SKAP2: variants seen among roughly 807,000 people sequenced by gnomAD.
SKAP2 encodes the protein src kinase associated phosphoprotein 2, also known as src kinase-associated phosphoprotein 2.
In SKAP2, 28 loss-of-function variants were observed where a neutral mutation model predicts 54.9. That is an observed-to-expected ratio of 0.51 (90% CI 0.38 to 0.70). SKAP2 has a LOEUF of 0.70. SKAP2 is among the 30% of genes least tolerant of loss of function. SKAP2 has a pLI of 0.00. For synonymous variants in SKAP2, 137 were observed against 134.3 expected (o/e 1.02, Z -0.14); for missense variants, 356 against 424.1 (o/e 0.84, Z 1.41).
chr7:26,718,874 AG>A (rs1003391540), intron 9 of SKAP2, among the ~76,000 whole-genome samples: 6 of 152,144 alleles, frequency 3.9e-5, no homozygotes, highest in Non-Finnish European at 7.4e-5. Context: ...TTTGTAAATA[AG>A]GATTTAAAAA....
chr7:26,714,293 T>C (rs893207724), intron 9 of SKAP2, among the ~76,000 whole-genome samples: 4 of 152,118 alleles, frequency 2.6e-5, no homozygotes, highest in African/African-American at 4.8e-5. Context: ...AATGTCCTTA[T>C]TATATATATT....
intron 10 of SKAP2, among the ~76,000 whole-genome samples, chr7:26,687,322 T>G (rs1350188688): frequency 6.6e-6 from 1 of 151,664 alleles, no homozygotes; most frequent in Non-Finnish European, 1.5e-5. Context: ...AGCTAGTGAT[T>G]TGGCAATATG....
chr7:26,688,249 TA>T (rs1424178686), intron 10 of SKAP2, among the ~76,000 whole-genome samples: 1 of 152,130 alleles, frequency 6.6e-6, no homozygotes, highest in African/African-American at 2.4e-5. Flanking sequence ...ATATATTCTA[TA>T]ATGTTCAAAA....
intron 4 of SKAP2, among the ~76,000 whole-genome samples, chr7:26,749,777 ATAATAATAG>A (rs1472221662): frequency 8.3e-4 from 99 of 118,924 alleles, no homozygotes; most frequent in African/African-American, 2.9e-3. Context: ...AATAATAATA[ATAATAATAG>A]GTCCTACTTC....
At position 26,728,580 on chromosome 7, in the gene SKAP2, TTCAC is replaced by T. The variant is rs1252921014; in HGVS notation, c.470-1578_470-1575del. Among the ~76,000 whole-genome samples, 4 of 152,086 alleles carry T rather than the reference TTCAC, an allele frequency of 2.6e-5. No individual in the cohort carries two copies. In the East Asian group the frequency reaches 7.7e-4, roughly 29 times the overall value. ...AAATTCTCAAAAAAAGACTAAATCATTCACTCACTCATTTGACAAATTGATACCA... is the reference window on the plus strand; with the variant it reads ...AAATTCTCAAAAAAAGACTAAATCATTCACTCATTTGACAAATTGATACCA... On this transcript the variant is annotated intron_variant, in intron 6 of 12. Transcript: ENST00000345317.
chr7:26,685,864 A>T (rs1786627547), intron 10 of SKAP2, among the ~76,000 whole-genome samples: 2 of 152,332 alleles, frequency 1.3e-5, no homozygotes, highest in African/African-American at 4.8e-5. Flanking sequence ...TAATATCAAT[A>T]AGATGTCCGT....
chr7:26,837,382 T>C (rs1784736434), intron 4 of SKAP2, among the ~76,000 whole-genome samples: 1 of 152,120 alleles, frequency 6.6e-6, no homozygotes, highest in Non-Finnish European at 1.5e-5. Context: ...CTGAAGGCTG[T>C]ACAGGAAGCA....
At chr7:26,823,334 G>A (rs1312416937) in intron 4 of SKAP2, among the ~76,000 whole-genome samples, 3 of 147,310 alleles carry the variant, frequency 2.0e-5, no homozygotes, top group Non-Finnish European at 3.0e-5. Context: ...GCTGAGGCAC[G>A]AGAATTGCTT....
the SKAP2 span, among the ~76,000 whole-genome samples, chr7:26,659,724 GTATA>G: frequency 2.6e-5 from 4 of 151,944 alleles, no homozygotes; most frequent in African/African-American, 7.2e-5. Flanking sequence ...ATGTGTGTGT[GTATA>G]GTTTTAAATA....
At chr7:26,841,099 G>A (rs2127995081) in intron 4 of SKAP2, among the ~76,000 whole-genome samples, 1 of 152,112 alleles carries the variant, frequency 6.6e-6, no homozygotes, top group East Asian at 1.9e-4. Flanking sequence ...GTATAGAGAA[G>A]CAGCACACCT....
chr7:26,748,110 T>G (rs1782597245), intron 4 of SKAP2, among the ~76,000 whole-genome samples: 1 of 152,168 alleles, frequency 6.6e-6, no homozygotes, highest in Non-Finnish European at 1.5e-5. Context: ...CTGAACTATC[T>G]TATTACATAT....
intron 5 of SKAP2, among the ~76,000 whole-genome samples, chr7:26,739,257 TAAG>T (rs1045710250): frequency 6.6e-6 from 1 of 152,028 alleles, no homozygotes; most frequent in Non-Finnish European, 1.5e-5. Flanking sequence ...AAAATTCAGC[TAAG>T]AAAGCTAAGA....
intron 3 of SKAP2, among the ~76,000 whole-genome samples, chr7:26,845,354 T>C (rs1285623691): frequency 6.6e-6 from 1 of 152,188 alleles, no homozygotes; most frequent in Non-Finnish European, 1.5e-5. Flanking sequence ...TTTTTAAAAA[T>C]ACATATTCCT....
chr7:26,796,629 A>G (rs1783786553), intron 4 of SKAP2, among the ~76,000 whole-genome samples: 1 of 152,228 alleles, frequency 6.6e-6, no homozygotes, highest in South Asian at 2.1e-4. Context: ...CAGATAATCG[A>G]TTGCATAAAT....
At chr7:26,831,374 G>GA (rs1173826068) in intron 4 of SKAP2, among the ~76,000 whole-genome samples, 1 of 152,084 alleles carries the variant, frequency 6.6e-6, no homozygotes, top group Non-Finnish European at 1.5e-5. Context: ...ATACCCTGTT[G>GA]AAAAAATGAT....
chr7:26,782,806 C>T (rs2127978730), intron 4 of SKAP2, among the ~76,000 whole-genome samples: 1 of 152,272 alleles, frequency 6.6e-6, no homozygotes, highest in South Asian at 2.1e-4. Context: ...TGCTCTTCCA[C>T]CATGTGAGGG....
intron 4 of SKAP2, among the ~76,000 whole-genome samples, chr7:26,775,018 G>A (rs931474155): frequency 6.6e-6 from 1 of 152,148 alleles, no homozygotes; most frequent in African/African-American, 2.4e-5. Context: ...GTCTGTCACA[G>A]CCATTGATTA....
chr7:26,826,672 CCTT>C (rs1256324296), intron 4 of SKAP2, among the ~76,000 whole-genome samples: 4 of 152,140 alleles, frequency 2.6e-5, no homozygotes, highest in Non-Finnish European at 4.4e-5. Flanking sequence ...TCTTCTTTCT[CCTT>C]CTATATTTCT....
At chr7:26,826,214 C>G (rs967987270) in intron 4 of SKAP2, among the ~76,000 whole-genome samples, 2 of 152,114 alleles carry the variant, frequency 1.3e-5, no homozygotes, top group African/African-American at 4.8e-5. Context: ...TGAGAGATCT[C>G]TATTTCAATG....
Sources: gnomAD v4.1 joint callset for allele counts (sites outside exome capture counted in the v4.1 genomes callset) on GRCh38, gnomAD v4.1.1 for gene constraint, MANE v1.5 for transcripts, NCBI Gene and HGNC (gene_info 2026-07-23, HGNC 2026-07-21) for gene names.